MKLN1: variants seen among roughly 807,000 people sequenced by gnomAD.
MKLN1 encodes muskelin.
MKLN1 carries 18 observed loss-of-function variants against 99.0 expected under a neutral mutation model. That is an observed-to-expected ratio of 0.18 (90% CI 0.13 to 0.27). The LOEUF (loss-of-function observed/expected upper bound fraction) is 0.27, where lower values mean the gene tolerates loss of function less well. Ranked by LOEUF, MKLN1 falls within the 10% of genes least tolerant of loss-of-function variation. The pLI is 1.00. For missense variants in MKLN1, 621 were observed against 875.9 expected, an observed-to-expected ratio of 0.71 and a Z score of 3.67; for synonymous variants, 288 against 293.2, an observed-to-expected ratio of 0.98 and a Z score of 0.18.
chr7:131,178,261 C>T (rs1278107668), intron 2 of MKLN1, among the ~76,000 whole-genome samples: 13 of 142,234 alleles, frequency 9.1e-5, no homozygotes, highest in Non-Finnish European at 9.2e-5. Flanking sequence ...CGATTACAGG[C>T]GCCTGCCACA....
chr7:131,402,623 A>G (rs1794583411), intron 6 of MKLN1, among the ~76,000 whole-genome samples: 1 of 152,132 alleles, frequency 6.6e-6, no homozygotes, highest in Non-Finnish European at 1.5e-5. Flanking sequence ...AAATAATAAG[A>G]TTTTCTTGAA....
intron 1 of MKLN1, among the ~76,000 whole-genome samples, chr7:131,369,318 T>C (rs1800275864): frequency 6.6e-6 from 1 of 152,200 alleles, no homozygotes; most frequent in African/African-American, 2.4e-5. Flanking sequence ...CATGTTTACT[T>C]TCCATAAAGG....
rs778812218 is a variant in MKLN1 at position 131,464,419 on chromosome 7, T to C, written c.1788+11T>C. On this transcript the variant is annotated intron_variant, in intron 14 of 17. Transcript: ENST00000352689. Reference sequence around the variant, plus strand: ...GATGAGCTACACAAGGTATCCTAACTACATTGACCTGTAAACTTTCCATGG... The same window carrying C: ...GATGAGCTACACAAGGTATCCTAACCACATTGACCTGTAAACTTTCCATGG... 6.6e-7 allele frequency: 1 copy of C among 1,509,732 alleles called. No homozygotes were observed. The highest frequency in any genetic ancestry group is 1.1e-5 in the South Asian group (1 of 88,338). 93.5% of individuals were successfully genotyped at this position (1,509,732 alleles called of 1,614,324 possible).
At chr7:131,434,303 TATG>T (rs1281481214) in intron 9 of MKLN1, among the ~76,000 whole-genome samples, 1 of 152,240 alleles carries the variant, frequency 6.6e-6, no homozygotes, top group East Asian at 1.9e-4. Flanking sequence ...TTAAGAGGTC[TATG>T]ATATTTTCGT....
intron 3 of MKLN1, among the ~76,000 whole-genome samples, chr7:131,237,873 G>T (rs10278967): frequency 0.16 from 23,582 of 152,070 alleles, 2,113 homozygotes; most frequent in African/African-American, 0.25. Flanking sequence ...GTGGCTGGGT[G>T]TGGTAGCTCA....
intron 17 of MKLN1, chr7:131,478,881 A>G (rs1029354832): frequency 9.7e-6 from 6 of 615,690 alleles, no homozygotes; most frequent in Admixed American, 3.0e-5. Context: ...TGCAATGACT[A>G]TTATACCAAT....
chr7:131,135,828 C>T (rs578028168), intron 1 of MKLN1, among the ~76,000 whole-genome samples: 169 of 152,174 alleles, frequency 1.1e-3, no homozygotes, highest in African/African-American at 3.0e-3. Flanking sequence ...GCTTGTTGAA[C>T]GGGTAAAAGT....
chr7:131,282,820 A>G (rs1443491184), intron 3 of MKLN1, among the ~76,000 whole-genome samples: 1 of 152,196 alleles, frequency 6.6e-6, no homozygotes, highest in Admixed American at 6.5e-5. Flanking sequence ...GACCTATTGT[A>G]TCATATTCTC....
At chr7:131,282,683 TC>T (rs1243169381) in intron 3 of MKLN1, among the ~76,000 whole-genome samples, 1 of 152,176 alleles carries the variant, frequency 6.6e-6, no homozygotes, top group Non-Finnish European at 1.5e-5. Flanking sequence ...CCTTTTCTCT[TC>T]CTACCCATCT....
intron 2 of MKLN1, among the ~76,000 whole-genome samples, chr7:131,378,215 G>A (rs1224316226): frequency 6.6e-6 from 1 of 152,160 alleles, no homozygotes; most frequent in Non-Finnish European, 1.5e-5. Flanking sequence ...GGGCTCAAGT[G>A]ATTCTCCTGC....
intron 2 of MKLN1, among the ~76,000 whole-genome samples, chr7:131,171,482 T>A (rs759293159): frequency 6.6e-5 from 10 of 152,002 alleles, no homozygotes; most frequent in Non-Finnish European, 1.0e-4. Context: ...TTTGGGATCG[T>A]GTTTCGCTTT....
intron 3 of MKLN1, among the ~76,000 whole-genome samples, chr7:131,231,290 G>A (rs978971428): frequency 6.6e-6 from 1 of 152,098 alleles, no homozygotes; most frequent in Non-Finnish European, 1.5e-5. Flanking sequence ...TAACCTATCA[G>A]TACATGGCTG....
intron 7 of MKLN1, among the ~76,000 whole-genome samples, chr7:131,413,797 C>T (rs556017146): frequency 1.6e-4 from 24 of 152,264 alleles, no homozygotes; most frequent in African/African-American, 5.5e-4. Flanking sequence ...CCTTGGCCTC[C>T]CAGAGTGCTG....
intron 1 of MKLN1, among the ~76,000 whole-genome samples, chr7:131,361,716 A>G (rs1800035918): frequency 6.6e-6 from 1 of 151,508 alleles, no homozygotes; most frequent in Admixed American, 6.6e-5. Context: ...ATCTTAAGTG[A>G]TGATCTTTTC....
chr7:131,392,490 G>A (rs1794222670), intron 4 of MKLN1, among the ~76,000 whole-genome samples: 2 of 152,100 alleles, frequency 1.3e-5, no homozygotes, highest in African/African-American at 4.8e-5. Flanking sequence ...TGAACACTTA[G>A]TATGTGCCAG....
At chr7:131,161,957 GTGTGTGTATATATATATA>G (rs1563236135) in intron 2 of MKLN1, among the ~76,000 whole-genome samples, 122 of 68,358 alleles carry the variant, frequency 1.8e-3, no homozygotes, top group African/African-American at 7.1e-3. Flanking sequence ...ATACGTGTGT[GTGTGTGTATATATATATA>G]TATATATATA....
At position 131,349,222 on chromosome 7, in the gene MKLN1, GT is replaced by G. The variant is rs1340728813; in HGVS notation, c.98+21226del. 4.7e-5 allele frequency among the ~76,000 whole-genome samples: 7 copies of G among 149,796 alleles called. No individual in the cohort carries two copies. The East Asian group carries it at 1.4e-3, about 29-fold the overall frequency. On this transcript the variant is annotated intron_variant, in intron 1 of 17. Transcript: ENST00000352689. ...CTATCTTTTTTTTTTTTGAGACAGA[GT>G]CTTGCTCTGTTGCCCAGGCTGGAGT...
At chr7:131,249,232 G>T (rs1797540903) in intron 3 of MKLN1, among the ~76,000 whole-genome samples, 1 of 152,200 alleles carries the variant, frequency 6.6e-6, no homozygotes, top group South Asian at 2.1e-4. Flanking sequence ...GGTCATTAAG[G>T]ATCTCCCTGG....
intron 9 of MKLN1, among the ~76,000 whole-genome samples, chr7:131,432,982 A>G (rs1795569189): frequency 6.6e-6 from 1 of 152,184 alleles, no homozygotes; most frequent in Admixed American, 6.5e-5. Flanking sequence ...ACCCCAGACC[A>G]CACTGAGAAC....
Sources: gnomAD v4.1 joint callset for allele counts (sites outside exome capture counted in the v4.1 genomes callset) on GRCh38, gnomAD v4.1.1 for gene constraint, MANE v1.5 for transcripts, NCBI Gene and HGNC (gene_info 2026-07-23, HGNC 2026-07-21) for gene names.